Variants in WIPI2 observed in about 807,000 individuals in gnomAD.
WIPI2 encodes WD repeat domain phosphoinositide-interacting protein 2.
In WIPI2, 28 loss-of-function variants were observed where a neutral mutation model predicts 52.3. That is an observed-to-expected ratio of 0.54 (90% CI 0.40 to 0.73). The LOEUF (loss-of-function observed/expected upper bound fraction) is 0.73, where lower values mean the gene tolerates loss of function less well. Ranked by LOEUF, WIPI2 falls within the 30% of genes least tolerant of loss-of-function variation. The probability of loss-of-function intolerance (pLI) is 0.00; values close to 1 mark genes in which losing one functional copy is unlikely to be tolerated. For synonymous variants in WIPI2, 268 were observed against 245.0 expected, an observed-to-expected ratio of 1.09 and a Z score of -0.88; for missense variants, 506 against 602.9, an observed-to-expected ratio of 0.84 and a Z score of 1.68.
chr7:5,190,785 C>G (rs928635781), intron 1 of WIPI2: 5 of 283,918 alleles, frequency 1.8e-5, no homozygotes, highest in African/African-American at 4.4e-5. Context: ...AACTACTTCT[C>G]GCAAAGTTGG....
Position 5,227,188 on chromosome 7 carries a change from A to G in WIPI2, c.857A>G (p.Glu286Gly). 1.2e-6 allele frequency: 2 copies of G among 1,613,870 alleles called. No individual in the cohort carries two copies. Among genetic ancestry groups the G allele is most frequent in the Non-Finnish European group, 1.7e-6 (2 of 1,180,014 alleles). Reference sequence around the variant, plus strand: ...GTGGCCTTTCCTTCCAGACCCCCAGAGGAGCCCACCACCTGGACCGGGTAC... The same window carrying G: ...GTGGCCTTTCCTTCCAGACCCCCAGGGGAGCCCACCACCTGGACCGGGTAC... ...KLETVKEKPP[E>G]EPTTWTGYFG... Residue 286 changes from glutamate to glycine, a missense_variant, in exon 10 of 13, where the codon GAG (glutamate) becomes GGG (glycine). This residue lies in a region of WIPI2 where 237 missense variants were observed against 346.9 expected (regional missense o/e 0.68). Coordinates refer to ENST00000288828, the MANE Select transcript of WIPI2 (RefSeq NM_015610.4). This position sits in a 1 kb window ranked among gnomAD's most constrained non-coding sequence, Gnocchi z 8.1.
chr7:5,199,475 G>A (rs781765961), intron 2 of WIPI2, 101 bp from the exon 3 acceptor site: 39 of 949,222 alleles, frequency 4.1e-5, no homozygotes, highest in Admixed American at 6.4e-5. Flanking sequence ...GAGGGCACGC[G>A]GGGAACTTGC....
chr7:5,218,017 G>A lies in WIPI2; in HGVS notation c.669+3G>A. 1.2e-6 allele frequency: 2 copies of A among 1,614,180 alleles called. No individual in the cohort carries two copies. The highest frequency in any genetic ancestry group is 1.7e-6 in the Non-Finnish European group (2 of 1,180,010). ...AACTTGCCACGGCTTCGGAGAAGGT[G>A]AGTCTGCTTTTCCCCGGGGGAGCAC... On this transcript the variant is annotated splice_donor_region_variant and intron_variant, in intron 7 of 12. Coordinates refer to ENST00000288828, the MANE Select transcript of WIPI2 (RefSeq NM_015610.4).
rs772622597 is a variant in WIPI2, at chr7:5,216,596, A to G, written c.415A>G (p.Ile139Val). ...LIVCLEESLY[I>V]HNIRDMKVLH... is the part of the protein sequence containing the mutation. ...AGTATGCCTGGAGGAGTCCCTGTAC[A>G]TCCACAACATTCGGGACATGAAGGT... Residue 139 changes from isoleucine (I) to valine (V), a missense_variant, in exon 5 of 13, where the codon ATC (isoleucine) becomes GTC (valine). Physicochemically the swap from Ile to Val is conservative, Grantham distance 29. Around this residue, in one of 4 missense-constraint regions of WIPI2, gnomAD observed 237 missense variants for 346.9 expected, o/e 0.68. Coordinates refer to ENST00000288828, the MANE Select transcript of WIPI2 (RefSeq NM_015610.4). 1.2e-6 allele frequency: 2 copies of G among 1,614,214 alleles called. No individual in the cohort carries two copies. Among genetic ancestry groups the G allele is most frequent in the Non-Finnish European group, 1.7e-6 (2 of 1,180,032 alleles).
At position 5,205,554 on chromosome 7, in the gene WIPI2, G is replaced by A. The variant is rs183790557; in HGVS notation, c.211+5896G>A. On this transcript the variant is annotated intron_variant, in intron 3 of 12. Coordinates refer to ENST00000288828, the MANE Select transcript of WIPI2 (RefSeq NM_015610.4). ...CTGTCCTGCCTCTGCTGCTGCCCATGTCCCCACAGGAGGAGGTGGCTCACT... is the reference window on the plus strand; with the variant it reads ...CTGTCCTGCCTCTGCTGCTGCCCATATCCCCACAGGAGGAGGTGGCTCACT... Among the ~76,000 whole-genome samples the A allele has an allele frequency of 3.5e-4, 54 of 152,270 alleles. No individual in the cohort carries two copies. In the South Asian group the frequency reaches 9.7e-3, roughly 27 times the overall value.
At chr7:5,202,395 A>G (rs757552535) in intron 3 of WIPI2, among the ~76,000 whole-genome samples, 4 of 151,994 alleles carry the variant, frequency 2.6e-5, no homozygotes, top group African/African-American at 4.8e-5. Context: ...ATATATGTAT[A>G]TATATGGGGA....
In WIPI2 at chr7:5,230,835, C is replaced by T; in HGVS notation, c.1253C>T (p.Ala418Val). 1.2e-6 allele frequency: 2 copies of T among 1,612,658 alleles called. No homozygotes were observed. The highest frequency in any genetic ancestry group is 1.7e-6 in the Non-Finnish European group (2 of 1,179,214). Reference sequence around the variant, plus strand: ...GGGTGACTTCGTCGTCTCTTTGCAGCCTACACAGACGACCTGGGTGCTGTG... The same window carrying T: ...GGGTGACTTCGTCGTCTCTTTGCAGTCTACACAGACGACCTGGGTGCTGTG... ...TYVPSSPTRLAYTDDLGAVGG... is the reference protein window; with the variant it reads ...TYVPSSPTRLVYTDDLGAVGG... The change falls in exon 13 of 13, where the codon GCC becomes GTC. Residue 418 changes from alanine (A) to valine (V), a missense_variant and splice_region_variant. Ala to Val is a moderately conservative substitution (Grantham distance 64, BLOSUM62 0). Coordinates refer to ENST00000288828, the MANE Select transcript of WIPI2 (RefSeq NM_015610.4). The surrounding 1 kb of genome is among the most constrained non-coding windows in gnomAD (Gnocchi z 4.8).
At chr7:5,212,641 TTC>T (rs1329096785) in intron 3 of WIPI2, among the ~76,000 whole-genome samples, 1 of 152,142 alleles carries the variant, frequency 6.6e-6, no homozygotes, top group Non-Finnish European at 1.5e-5. Flanking sequence ...TCAGGCACTC[TTC>T]CTACCTCAGC....
At chr7:5,214,419 C>A in intron 3 of WIPI2, 116 bp from the exon 4 acceptor site, 1 of 1,610,970 alleles carries the variant, frequency 6.2e-7, no homozygotes, top group South Asian at 1.1e-5. Context: ...CGCAGGCACC[C>A]TCAGCGCTGT....
chr7:5,216,793 A>C (rs1196592905), intron 5 of WIPI2, 134 bp downstream of exon 5: 1 of 876,778 alleles, frequency 1.1e-6, no homozygotes, highest in Non-Finnish European at 1.8e-6. Context: ...TCCCAAACCA[A>C]GCTGCCTTCC....
chr7:5,221,739 C>T (rs1562403558), intron 7 of WIPI2, among the ~76,000 whole-genome samples: 2 of 152,106 alleles, frequency 1.3e-5, no homozygotes, highest in Non-Finnish European at 2.9e-5. Flanking sequence ...CCCTTGTATT[C>T]CTAGTTCTTT....
In WIPI2 at chr7:5,232,344, A is replaced by G. The variant is rs1445278081; in HGVS notation, c.*1397A>G. ...CCCCTCAGCTGAGCGGCTGCGGTGA[A>G]ATGCCCCAGTGTTCCTGGGTTGGCT... On this transcript the variant is annotated 3_prime_UTR_variant, in exon 13 of 13. Coordinates refer to ENST00000288828, the MANE Select transcript of WIPI2 (RefSeq NM_015610.4). 1 of 398,526 alleles carries G rather than the reference A, an allele frequency of 2.5e-6. No individual in the cohort carries two copies. The highest frequency in any genetic ancestry group is 4.4e-6 in the Non-Finnish European group (1 of 226,076). 24.7% of individuals were successfully genotyped at this position (398,526 alleles called of 1,614,324 possible).
intron 7 of WIPI2, 125 bp from the exon 8 acceptor site, chr7:5,222,477 C>A (rs1783190889): frequency 4.0e-6 from 4 of 1,001,214 alleles, no homozygotes; most frequent in Non-Finnish European, 6.2e-6. Flanking sequence ...CCCCAGACTC[C>A]TTGGTGGCCC....
intron 7 of WIPI2, among the ~76,000 whole-genome samples, chr7:5,219,604 G>A (rs1473544650): frequency 6.6e-6 from 1 of 152,194 alleles, no homozygotes; most frequent in African/African-American, 2.4e-5. Flanking sequence ...CTGCTTTCAA[G>A]AATCTTGCGG....
At chr7:5,211,665 G>A (rs1336261598) in intron 3 of WIPI2, among the ~76,000 whole-genome samples, 2 of 151,968 alleles carry the variant, frequency 1.3e-5, no homozygotes, top group African/African-American at 4.8e-5. Context: ...CAGTGGAGAG[G>A]CCAGTGGATT....
chr7:5,227,472 G>T lies in WIPI2; in HGVS notation c.1013+128G>T. ...CTTCTTAGAGCCGACACTCCATCGA[G>T]AGTTGTCGGGGATGGGAGGTCCCCT... On this transcript the variant is annotated intron_variant, in intron 10 of 12. Transcript: ENST00000288828. The surrounding 1 kb of genome is among the most constrained non-coding windows in gnomAD (Gnocchi z 8.1). 1.5e-6 allele frequency: 2 copies of T among 1,322,970 alleles called. No individual in the cohort carries two copies. The highest frequency in any genetic ancestry group is 2.6e-5 in the Admixed American group (1 of 39,030). 82.0% of individuals were successfully genotyped at this position (1,322,970 alleles called of 1,614,324 possible).
chr7:5,222,596 C>G lies in WIPI2; in HGVS notation c.670-6C>G, dbSNP rs1221191140. The G allele has an allele frequency of 3.7e-6, 6 of 1,613,568 alleles. No individual in the cohort carries two copies. The highest frequency in any genetic ancestry group is 5.1e-6 in the Non-Finnish European group (6 of 1,179,604). On this transcript the variant is annotated splice_region_variant and splice_polypyrimidine_tract_variant and intron_variant, in intron 7 of 12. Coordinates refer to ENST00000288828, the MANE Select transcript of WIPI2 (RefSeq NM_015610.4). ...CAAATTCTTCTTTTCTCTTTTCCTT[C>G]CACAGGGGACCGTGATTAGGGTATT...
chr7:5,222,421 C>T (rs566821229), intron 7 of WIPI2, among the ~76,000 whole-genome samples, 181 bp from the exon 8 acceptor site: 6 of 152,176 alleles, frequency 3.9e-5, no homozygotes, highest in African/African-American at 9.6e-5. Flanking sequence ...TTTCTATGCT[C>T]GTGGCAAAAA....
In WIPI2 at chr7:5,209,554, C is replaced by T. The variant is rs112806097; in HGVS notation, c.212-4981C>T. Among the ~76,000 whole-genome samples, 56 of 152,314 alleles carry T rather than the reference C, an allele frequency of 3.7e-4. 1 individual carries two copies. Among genetic ancestry groups the T allele is most frequent in the Middle Eastern group, 3.4e-3 (1 of 294 alleles). On this transcript the variant is annotated intron_variant, in intron 3 of 12. Coordinates refer to ENST00000288828, the MANE Select transcript of WIPI2 (RefSeq NM_015610.4). ...CATCTGTTGGGTTGGCACAGTCTTT[C>T]TCTGTGCAGTTGAATTGGAATTTAT... is the stretch of plus-strand genomic sequence containing the variant.
Sources: gnomAD v4.1 joint callset for allele counts (sites outside exome capture counted in the v4.1 genomes callset) on GRCh38, gnomAD v4.1.1 for gene constraint, gnomAD v4.1.1 regional missense constraint, Gnocchi (gnomAD v3.1) non-coding constraint, MANE v1.5 for transcripts, NCBI Gene and HGNC (gene_info 2026-07-23, HGNC 2026-07-21) for gene names.